Variants in CERKL observed in about 807,000 individuals in gnomAD.
The protein encoded by CERKL is CERK like autophagy regulator, also known as ceramide kinase-like protein.
CERKL carries 61 observed loss-of-function variants against 63.4 expected under a neutral mutation model. That is an observed-to-expected ratio of 0.96 (90% CI 0.78 to 1.19). The LOEUF is 1.19. CERKL is among the 50% of genes most tolerant of loss of function. CERKL has a pLI of 0.00. For missense variants in CERKL, 675 were observed against 655.5 expected (o/e 1.03, Z -0.33); for synonymous variants, 250 against 230.5 (o/e 1.08, Z -0.77).
intron 1 of CERKL, among the ~76,000 whole-genome samples, chr2:181,628,052 T>A (rs1238009053): frequency 6.6e-6 from 1 of 151,870 alleles, no homozygotes; most frequent in Non-Finnish European, 1.5e-5. Context: ...AAAACATAAA[T>A]GTCTTGTCCT....
intron 1 of CERKL, among the ~76,000 whole-genome samples, chr2:181,608,103 C>T (rs1685795743): frequency 1.3e-5 from 2 of 151,952 alleles, no homozygotes; most frequent in Non-Finnish European, 2.9e-5. Flanking sequence ...CTCCTGGGCT[C>T]AAGTGATCCT....
intron 2 of CERKL, among the ~76,000 whole-genome samples, chr2:181,578,977 T>G (rs760169363): frequency 6.6e-6 from 1 of 152,004 alleles, no homozygotes; most frequent in East Asian, 1.9e-4. Flanking sequence ...TATCATATAG[T>G]GTTAAATCAC....
intron 10 of CERKL, among the ~76,000 whole-genome samples, chr2:181,546,378 C>T (rs1359663899): frequency 3.9e-5 from 6 of 152,168 alleles, no homozygotes; most frequent in South Asian, 2.1e-4. Context: ...CAGCTAGCCA[C>T]GTCTTCAAGT....
chr2:181,601,699 T>C (rs996765881), intron 2 of CERKL, among the ~76,000 whole-genome samples: 1 of 152,132 alleles, frequency 6.6e-6, no homozygotes, highest in African/African-American at 2.4e-5. Flanking sequence ...GGATAAGGAG[T>C]TGGCATCTCC....
Position 181,625,821 on chromosome 2 carries a change from G to C in CERKL, c.239-21742C>G, listed in dbSNP as rs546492659. ...GTGCTGGAAACTATTCTAGGAGTTA[G>C]AGAAACAGGGGCAAACAAAACAGAA... On this transcript the variant is annotated intron_variant, in intron 1 of 12. Transcript: ENST00000410087. 2.5e-3 allele frequency among the ~76,000 whole-genome samples: 376 copies of C among 152,318 alleles called. 2 individuals are homozygous for C. The highest frequency in any genetic ancestry group is 8.1e-3 in the African/African-American group (335 of 41,586).
chr2:181,592,018 C>T (rs1256321329), intron 2 of CERKL, among the ~76,000 whole-genome samples: 2 of 152,096 alleles, frequency 1.3e-5, no homozygotes, highest in Non-Finnish European at 1.5e-5. Context: ...GTTGAAAAGC[C>T]ACATTAGAGA....
At chr2:181,629,583 G>A (rs1350032715) in intron 1 of CERKL, among the ~76,000 whole-genome samples, 2 of 151,784 alleles carry the variant, frequency 1.3e-5, no homozygotes, top group East Asian at 1.9e-4. Context: ...TGTAATAAAT[G>A]GGGGGGTGGT....
intron 1 of CERKL, among the ~76,000 whole-genome samples, chr2:181,614,767 TCAC>T (rs1307397672): frequency 6.6e-6 from 1 of 152,106 alleles, no homozygotes; most frequent in Non-Finnish European, 1.5e-5. Context: ...TAAAAAAAAA[TCAC>T]CACATACTTT....
At chr2:181,614,228 G>T (rs1686094719) in intron 1 of CERKL, among the ~76,000 whole-genome samples, 1 of 152,174 alleles carries the variant, frequency 6.6e-6, no homozygotes, top group Non-Finnish European at 1.5e-5. Context: ...TTCAGTGAAG[G>T]TTGAAGGTTC....
At chr2:181,538,284 GT>G (rs1193623684) in intron 12 of CERKL, 40 bp from the exon 13 acceptor site, 1 of 1,217,606 alleles carries the variant, frequency 8.2e-7, no homozygotes, top group Non-Finnish European at 1.2e-6. Context: ...TTATTTTGTT[GT>G]TTTTCACATA....
intron 1 of CERKL, among the ~76,000 whole-genome samples, chr2:181,645,756 A>G (rs1182043056): frequency 1.3e-5 from 2 of 152,230 alleles, no homozygotes; most frequent in Admixed American, 6.5e-5. Flanking sequence ...GTACTTCACT[A>G]TCTCTATATC....
chr2:181,567,568 C>T (rs1688719410), intron 3 of CERKL, among the ~76,000 whole-genome samples: 1 of 151,752 alleles, frequency 6.6e-6, no homozygotes, highest in Non-Finnish European at 1.5e-5. Flanking sequence ...TTTTAAGTAA[C>T]ATTGCAAAAG....
At position 181,655,963 on chromosome 2, in the gene CERKL, C is replaced by T. The variant is rs187084559; in HGVS notation, c.238+806G>A. 7.0e-3 allele frequency among the ~76,000 whole-genome samples: 1,058 copies of T among 152,222 alleles called. 8 individuals are homozygous for T. Among genetic ancestry groups the T allele is most frequent in the African/African-American group, 0.024 (1,006 of 41,526 alleles). ...TATGAAAGTCTACTTATAAGACTTG[C>T]AAAATGGTCTTTATAAAATATCTGT... On this transcript the variant is annotated intron_variant, in intron 1 of 12. Coordinates refer to ENST00000410087, the MANE Select transcript of CERKL (RefSeq NM_201548.5).
intron 1 of CERKL, among the ~76,000 whole-genome samples, chr2:181,609,532 C>CAAAAAAAAA (rs1574495419): frequency 6.1e-5 from 1 of 16,324 alleles, no homozygotes; most frequent in Non-Finnish European, 9.4e-5. Context: ...CCTGTCTCTA[C>CAAAAAAAAA]TAAAAAAAAA....
At chr2:181,538,360 C>A in intron 12 of CERKL, 116 bp from the exon 13 acceptor site, 1 of 647,046 alleles carries the variant, frequency 1.5e-6, no homozygotes, top group African/African-American at 1.8e-5. Context: ...ACAGCATTCC[C>A]AACAGAGCTG....
intron 1 of CERKL, among the ~76,000 whole-genome samples, chr2:181,641,779 A>G (rs1013147909): frequency 6.6e-6 from 1 of 152,198 alleles, no homozygotes; most frequent in African/African-American, 2.4e-5. Context: ...ATAATTAAAA[A>G]TTCAGTTTCT....
intron 1 of CERKL, among the ~76,000 whole-genome samples, chr2:181,607,009 G>A (rs1053173120): frequency 1.3e-5 from 2 of 152,238 alleles, no homozygotes; most frequent in Admixed American, 6.5e-5. Flanking sequence ...ACTGAGGGCC[G>A]CAAATAACTT....
chr2:181,579,128 T>C (rs552610724), intron 2 of CERKL, among the ~76,000 whole-genome samples: 1 of 152,138 alleles, frequency 6.6e-6, no homozygotes, highest in South Asian at 2.1e-4. Flanking sequence ...TCACGTGTAA[T>C]ACAGAAATAA....
At chr2:181,622,416 A>C (rs990414856) in intron 1 of CERKL, among the ~76,000 whole-genome samples, 6 of 152,166 alleles carry the variant, frequency 3.9e-5, no homozygotes, top group African/African-American at 1.4e-4. Context: ...AGATATAAAG[A>C]CCTTCAAAAA....
Sources: gnomAD v4.1 joint callset for allele counts (sites outside exome capture counted in the v4.1 genomes callset) on GRCh38, gnomAD v4.1.1 for gene constraint, MANE v1.5 for transcripts, NCBI Gene and HGNC (gene_info 2026-07-23, HGNC 2026-07-21) for gene names.